FAH: variants seen among roughly 807,000 people sequenced by gnomAD.
The protein encoded by FAH is fumarylacetoacetase.
A neutral mutation model predicts 55.8 loss-of-function variants in FAH; 47 were observed. The ratio of observed to expected loss-of-function variants is 0.84; its 90% CI spans 0.67 to 1.07. The LOEUF is 1.07. Among genes scored for constraint, FAH ranks in the 50% least tolerant of loss-of-function variants. The pLI is 0.00. For synonymous variants in FAH, 199 were observed against 207.7 expected (o/e 0.96, Z 0.36); for missense variants, 495 against 545.9 (o/e 0.91, Z 0.93).
At chr15:80,182,333 G>C (rs1251385373) in intron 13 of FAH, among the ~76,000 whole-genome samples, 1 of 152,102 alleles carries the variant, frequency 6.6e-6, no homozygotes, top group Non-Finnish European at 1.5e-5. Context: ...TAGGGATTTG[G>C]CCGTAATTTA....
In FAH at chr15:80,155,838, A is replaced by C. The variant is rs541003411; in HGVS notation, c.82-2222A>C. On this transcript the variant is annotated intron_variant, in intron 1 of 13. Coordinates refer to ENST00000561421, the MANE Select transcript of FAH (RefSeq NM_000137.4). ...CGAAGCAGAGAGGGAAGGCAGCATA[A>C]GTCAGCATTTTCTTCTATGCACTTA... 198 of 458,948 alleles carry C rather than the reference A, an allele frequency of 4.3e-4. 1 individual carries two copies. The highest frequency in any genetic ancestry group is 1.4e-3 in the Middle Eastern group (2 of 1,470). 28.4% of individuals were successfully genotyped at this position (458,948 alleles called of 1,614,324 possible). A position where few individuals can be genotyped will look rare whatever the true frequency, so the allele number is the denominator to read the frequency against.
Position 80,158,123 on chromosome 15 carries a change from C to T in FAH, c.145C>T (p.Leu49Phe). ...CCTGGACCTCAGCATCATCAAGCAC[C>T]TCTTTACTGGTCCTGTCCTCTCCAA... ...QILDLSIIKH[L>F]FTGPVLSKHQ... The change falls in exon 2 of 14, where the codon CTC becomes TTC. Residue 49 changes from leucine (L) to phenylalanine (F), a missense_variant. Leu to Phe is a conservative substitution (Grantham distance 22). Transcript: ENST00000561421. The T allele has an allele frequency of 1.2e-6, 2 of 1,614,174 alleles. No homozygotes were observed. The highest frequency in any genetic ancestry group is 1.7e-6 in the Non-Finnish European group (2 of 1,179,998).
chr15:80,154,626 C>G (rs1258741186), intron 1 of FAH, among the ~76,000 whole-genome samples: 1 of 152,178 alleles, frequency 6.6e-6, no homozygotes, highest in Non-Finnish European at 1.5e-5. Flanking sequence ...GACTAGTTGC[C>G]AAGGCAAAAC....
chr15:80,174,893 T>A, intron 9 of FAH, 123 bp from the exon 10 acceptor site: 1 of 780,592 alleles, frequency 1.3e-6, no homozygotes, highest in Non-Finnish European at 2.3e-6. Flanking sequence ...GGAATGCTCC[T>A]GCTGTCTCAG....
chr15:80,157,965 A>T, intron 1 of FAH, 95 bp from the exon 2 acceptor site: 1 of 867,594 alleles, frequency 1.2e-6, no homozygotes, highest in Non-Finnish European at 2.0e-6. Flanking sequence ...CTAAAGGGGG[A>T]CCTGTGGACT....
intron 5 of FAH, chr15:80,162,826 A>C: frequency 4.4e-6 from 1 of 225,974 alleles, no homozygotes; most frequent in Non-Finnish European, 8.9e-6. Flanking sequence ...ACAGACAGGA[A>C]AATGGGCTCA....
intron 12 of FAH, among the ~76,000 whole-genome samples, chr15:80,180,802 C>T (rs2142108360): frequency 6.6e-6 from 1 of 152,318 alleles, no homozygotes; most frequent in African/African-American, 2.4e-5. Context: ...CAGGGATTCA[C>T]TGATTCCTAA....
chr15:80,154,772 C>T (rs1024981720), intron 1 of FAH, among the ~76,000 whole-genome samples: 3 of 152,210 alleles, frequency 2.0e-5, no homozygotes, highest in African/African-American at 7.2e-5. Context: ...TTTGCCTGGG[C>T]TCCGAGTTGG....
chr15:80,168,471 GT>G, intron 7 of FAH, 155 bp downstream of exon 7: 1 of 704,216 alleles, frequency 1.4e-6, no homozygotes, highest in Non-Finnish European at 2.5e-6. Flanking sequence ...CAGAAGGACA[GT>G]TGATCCTTAT....
chr15:80,180,477 G>A (rs2041321830), intron 12 of FAH: 5 of 532,368 alleles, frequency 9.4e-6, no homozygotes, highest in South Asian at 2.0e-5. Flanking sequence ...GCAGTGACAC[G>A]TGGGGAGGAG....
rs2041257172 is a variant in FAH at position 80,173,311 on chromosome 15, A to C, written c.837+167A>C. ...GGAGTTCCTGGCCACGATTACTTCC[A>C]GGCAGCCAGGGCATCATTCTCCCTT... On this transcript the variant is annotated intron_variant, in intron 9 of 13. Transcript: ENST00000561421. The C allele has an allele frequency of 6.0e-6, 5 of 838,878 alleles. No individual in the cohort carries two copies. The African/African-American group carries it at 8.3e-5, about 14-fold the overall frequency. 52.0% of individuals were successfully genotyped at this position (838,878 alleles called of 1,614,324 possible).
At chr15:80,160,572 A>G in intron 4 of FAH, 113 bp downstream of exon 4, 1 of 1,014,718 alleles carries the variant, frequency 9.9e-7, no homozygotes, top group Non-Finnish European at 1.5e-6. Context: ...GTGGGGGGAG[A>G]TGGAGGAGGG....
chr15:80,167,057 G>GT (rs71153529), intron 5 of FAH: 62,276 of 149,410 alleles, frequency 0.42, 13,206 homozygotes, highest in Middle Eastern at 0.5. Flanking sequence ...GTGTTTTTGT[G>GT]TTTTTTTTTT....
chr15:80,181,391 T>C (rs2041330143), intron 13 of FAH, among the ~76,000 whole-genome samples: 1 of 152,148 alleles, frequency 6.6e-6, no homozygotes, highest in South Asian at 2.1e-4. Flanking sequence ...TTGGTCTCCC[T>C]TCTCCCTGAG....
At chr15:80,153,227 G>A in intron 1 of FAH, 92 bp downstream of exon 1, 3 of 1,072,264 alleles carry the variant, frequency 2.8e-6, no homozygotes, top group Non-Finnish European at 2.9e-6. Flanking sequence ...GGAGTGGAAT[G>A]AGGGGCGGGA....
Position 80,177,140 on chromosome 15 carries a change from G to A in FAH, c.914-397G>A, listed in dbSNP as rs372785111. On this transcript the variant is annotated intron_variant, in intron 10 of 13. Coordinates refer to ENST00000561421, the MANE Select transcript of FAH (RefSeq NM_000137.4). ...AGCTCGGCAGGGGACAGATGACCCAGCTATCCAGAGGACTCCTGAGGGGAC... is the reference window on the plus strand; with the variant it reads ...AGCTCGGCAGGGGACAGATGACCCAACTATCCAGAGGACTCCTGAGGGGAC... Among the ~76,000 whole-genome samples, 41 of 152,346 alleles carry A rather than the reference G, an allele frequency of 2.7e-4. 2 individuals are homozygous for A. The highest frequency in any genetic ancestry group is 1.7e-3 in the Admixed American group (26 of 15,302).
At chr15:80,178,821 C>T (rs897028733) in intron 11 of FAH, among the ~76,000 whole-genome samples, 9 of 152,050 alleles carry the variant, frequency 5.9e-5, no homozygotes, top group African/African-American at 1.9e-4. Context: ...ATCTCCTGAC[C>T]TTGTGATCCG....
intron 3 of FAH, 56 bp downstream of exon 3, chr15:80,159,933 C>A (rs899872100): frequency 6.3e-7 from 1 of 1,590,004 alleles, no homozygotes; most frequent in Non-Finnish European, 8.6e-7. Flanking sequence ...GAGGTGAAGG[C>A]TGTGTGGTTA....
intron 11 of FAH, 37 bp from the exon 12 acceptor site, chr15:80,180,087 G>A: frequency 1.3e-6 from 2 of 1,538,064 alleles, no homozygotes; most frequent in Non-Finnish European, 1.8e-6. Flanking sequence ...GGCTAAGCCT[G>A]CCGCTGCTCA....
Sources: allele counts gnomAD v4.1 joint callset (sites outside exome capture counted in the v4.1 genomes callset), GRCh38; gene constraint gnomAD v4.1.1; transcripts MANE v1.5; gene names NCBI Gene and HGNC (gene_info 2026-07-23, HGNC 2026-07-21).